Variants in PRR5L observed in about 807,000 individuals in gnomAD.
The protein encoded by PRR5L is proline-rich protein 5-like.
A neutral mutation model predicts 36.4 loss-of-function variants in PRR5L; 21 were observed. The ratio of observed to expected loss-of-function variants is 0.58; its 90% CI spans 0.41 to 0.83. The LOEUF is 0.83. Ranked by LOEUF, PRR5L falls within the 40% of genes least tolerant of loss-of-function variation. PRR5L has a pLI of 0.00. For synonymous variants in PRR5L, 188 were observed against 197.0 expected (o/e 0.95, Z 0.38); for missense variants, 381 against 473.3 (o/e 0.80, Z 1.81).
At chr11:36,451,418 C>T in intron 8 of PRR5L, 83 bp downstream of exon 8, 1 of 1,502,932 alleles carries the variant, frequency 6.7e-7, no homozygotes. Flanking sequence ...TTTAACTGAG[C>T]ACTGATACCA....
intron 1 of PRR5L, among the ~76,000 whole-genome samples, chr11:36,387,319 C>G (rs620926): frequency 6.6e-6 from 1 of 152,018 alleles, no homozygotes; most frequent in African/African-American, 2.4e-5. Context: ...CTAATGTAAA[C>G]GATGAGTTAA....
chr11:36,462,127 G>A (rs1348365780), intron 8 of PRR5L, among the ~76,000 whole-genome samples: 1 of 152,186 alleles, frequency 6.6e-6, no homozygotes, highest in African/African-American at 2.4e-5. Flanking sequence ...ATGTGGGGTA[G>A]GGTTGGTTAC....
chr11:36,365,385 C>T (rs368363616), intron 1 of PRR5L, among the ~76,000 whole-genome samples: 4 of 152,234 alleles, frequency 2.6e-5, no homozygotes, highest in African/African-American at 9.6e-5. Flanking sequence ...CGGGTCCTTT[C>T]GAAGCAAGTT....
intron 4 of PRR5L, 118 bp from the exon 5 acceptor site, chr11:36,431,735 A>G (rs1858499892): frequency 1.1e-6 from 1 of 871,918 alleles, no homozygotes; most frequent in Admixed American, 2.1e-5. Flanking sequence ...ACTCCGAGGC[A>G]CGGCTAGAAC....
chr11:36,370,880 C>CAAAAAAAAAAA (rs566607958), intron 1 of PRR5L, among the ~76,000 whole-genome samples: 1 of 118,082 alleles, frequency 8.5e-6, no homozygotes, highest in Non-Finnish European at 1.7e-5. Flanking sequence ...GACTCCATCT[C>CAAAAAAAAAAA]AAAAAAAAAA....
intron 5 of PRR5L, among the ~76,000 whole-genome samples, chr11:36,432,168 GTT>G (rs932047822): frequency 1.5e-4 from 22 of 143,146 alleles, no homozygotes; most frequent in African/African-American, 6.4e-4. Context: ...TTTTTGTTTT[GTT>G]TTTGTTTTTG....
At chr11:36,450,077 C>T (rs192787280) in intron 7 of PRR5L, among the ~76,000 whole-genome samples, 7 of 152,226 alleles carry the variant, frequency 4.6e-5, no homozygotes, top group African/African-American at 7.2e-5. Flanking sequence ...AGCCCCTGGC[C>T]GCACCCATCT....
rs114835397 is a variant in PRR5L, at chr11:36,410,324, G to C, written c.245+6946G>C. On this transcript the variant is annotated intron_variant, in intron 3 of 8. Coordinates refer to ENST00000530639, the MANE Select transcript of PRR5L (RefSeq NM_001160167.2). ...TCACGGTCTGGTGTGGAGCCTGTCA[G>C]GGGAGCTGAGGCCTGGCTGCTGGCT... is the stretch of plus-strand genomic sequence containing the variant. 3.1e-3 allele frequency among the ~76,000 whole-genome samples: 465 copies of C among 152,300 alleles called. 2 individuals are homozygous for C. The highest frequency in any genetic ancestry group is 8.7e-3 in the African/African-American group (362 of 41,550).
chr11:36,301,504 A>T (rs1439112263), intron 1 of PRR5L, among the ~76,000 whole-genome samples: 1 of 152,040 alleles, frequency 6.6e-6, no homozygotes, highest in Non-Finnish European at 1.5e-5. Flanking sequence ...AATGTCTTTC[A>T]GGTTTCTGAC....
At chr11:36,407,409 ACTT>A (rs1317445212) in intron 3 of PRR5L, among the ~76,000 whole-genome samples, 1 of 152,174 alleles carries the variant, frequency 6.6e-6, no homozygotes, top group Non-Finnish European at 1.5e-5. Flanking sequence ...CTCAGAAAAA[ACTT>A]CTCCAGCAGT....
chr11:36,392,715 A>C (rs755914883), intron 1 of PRR5L, among the ~76,000 whole-genome samples: 85 of 150,434 alleles, frequency 5.7e-4, no homozygotes, highest in Non-Finnish European at 3.9e-4. Context: ...AAGGGAAAGC[A>C]TAGTGACAGG....
intron 8 of PRR5L, chr11:36,455,254 G>A (rs1296024882): frequency 6.6e-6 from 1 of 152,530 alleles, no homozygotes; most frequent in Non-Finnish European, 1.5e-5. Context: ...GCCTTATTAT[G>A]GCGGTCGCTC....
At chr11:36,387,239 T>G (rs809376) in intron 1 of PRR5L, among the ~76,000 whole-genome samples, 4 of 150,732 alleles carry the variant, frequency 2.7e-5, no homozygotes, top group Admixed American at 6.6e-5. Flanking sequence ...GGACACAGGG[T>G]GGGGAACACC....
At chr11:36,324,587 A>G (rs1455125329) in intron 1 of PRR5L, among the ~76,000 whole-genome samples, 1 of 152,212 alleles carries the variant, frequency 6.6e-6, no homozygotes, top group African/African-American at 2.4e-5. Context: ...ACAAAAATTA[A>G]AAACAATTTT....
rs537579362 is a variant in PRR5L at position 36,301,444 on chromosome 11, G to A, written c.-126+5006G>A. On this transcript the variant is annotated intron_variant, in intron 1 of 8. Coordinates refer to ENST00000530639, the MANE Select transcript of PRR5L (RefSeq NM_001160167.2). ...CTGGCTGAGATCATGGGAATGGGGA[G>A]GGGTTAAGCTGGAGAGAGTGGCAGC... 1.9e-3 allele frequency among the ~76,000 whole-genome samples: 286 copies of A among 152,302 alleles called. 1 individual carries two copies. Among genetic ancestry groups the A allele is most frequent in the African/African-American group, 6.4e-3 (265 of 41,562 alleles).
chr11:36,423,900 G>A (rs1259190944), intron 4 of PRR5L, among the ~76,000 whole-genome samples: 2 of 152,178 alleles, frequency 1.3e-5, no homozygotes, highest in Admixed American at 1.3e-4. Flanking sequence ...GAATGAGGGG[G>A]AGCCAGACTG....
chr11:36,361,187 G>T (rs947189027), intron 1 of PRR5L, among the ~76,000 whole-genome samples: 2 of 152,100 alleles, frequency 1.3e-5, no homozygotes, highest in South Asian at 4.1e-4. Flanking sequence ...TTTCACACAA[G>T]TATACAGTGG....
chr11:36,298,152 GT>G (rs1856333442), intron 1 of PRR5L, among the ~76,000 whole-genome samples: 1 of 152,126 alleles, frequency 6.6e-6, no homozygotes, highest in African/African-American at 2.4e-5. Context: ...TGCCGTATTA[GT>G]TTGCTGGGAC....
intron 3 of PRR5L, among the ~76,000 whole-genome samples, chr11:36,415,525 C>G (rs191088367): frequency 6.6e-6 from 1 of 152,330 alleles, no homozygotes; most frequent in Admixed American, 6.5e-5. Flanking sequence ...GGGCAGATCA[C>G]CTGAGGTCAG....
Sources: gnomAD v4.1 joint callset for allele counts (sites outside exome capture counted in the v4.1 genomes callset) on GRCh38, gnomAD v4.1.1 for gene constraint, MANE v1.5 for transcripts, NCBI Gene and HGNC (gene_info 2026-07-23, HGNC 2026-07-21) for gene names.